The following XIRP2 variants were observed in gnomAD, a reference collection of about 807,000 sequenced individuals.
XIRP2 encodes xin actin-binding repeat-containing protein 2.
Under a neutral mutation model 277.0 loss-of-function variants are expected in XIRP2, and 236 were observed. The observed-to-expected ratio is 0.85, with a 90% CI of 0.77 to 0.95. The LOEUF (loss-of-function observed/expected upper bound fraction) is 0.95. Among genes scored for constraint, XIRP2 ranks in the 40% least tolerant of loss-of-function variants. The probability of loss-of-function intolerance (pLI) is 0.00; values close to 1 mark genes in which losing one functional copy is unlikely to be tolerated. For synonymous variants in XIRP2, 1,490 were observed against 1,416.5 expected (o/e 1.05, Z -1.17); for missense variants, 4,640 against 4,157.5 (o/e 1.12, Z -3.19).
chr2:166,924,589 A>T (rs2105361248), intron 2 of XIRP2, among the ~76,000 whole-genome samples: 1 of 152,030 alleles, frequency 6.6e-6, no homozygotes, highest in East Asian at 1.9e-4. Flanking sequence ...CATGACAATG[A>T]TCTCTTCTGT....
In XIRP2 at chr2:167,250,578, C is replaced by G; in HGVS notation, c.9186C>G (p.Ser3062Arg). The stretch of plus-strand genomic sequence containing the variant: ...CCAAAGTATCTAATGTTCATGTCAG[C>G]AATAATAAAAATAGTGAACAGAAAG... ...TSSKVSNVHV[S>R]NNKNSEQKEN... Residue 3062 changes from serine (S) to arginine (R), a missense_variant, in exon 9 of 11, where the codon AGC (serine) becomes AGG (arginine). Physicochemically the swap from Ser to Arg is moderately radical, Grantham distance 110. Transcript: ENST00000409195. The G allele has an allele frequency of 6.2e-7, 1 of 1,613,316 alleles. No individual in the cohort carries two copies. Among genetic ancestry groups the G allele is most frequent in the East Asian group, 2.2e-5 (1 of 44,804 alleles).
chr2:166,961,058 G>GC (rs989189520), intron 2 of XIRP2, among the ~76,000 whole-genome samples: 1 of 151,638 alleles, frequency 6.6e-6, no homozygotes, highest in Non-Finnish European at 1.5e-5. Flanking sequence ...CCACTCCACA[G>GC]CCCCCCTCTC....
chr2:167,236,987 G>A (rs1046983401), intron 5 of XIRP2, among the ~76,000 whole-genome samples: 2 of 152,068 alleles, frequency 1.3e-5, no homozygotes, highest in African/African-American at 4.8e-5. Context: ...CAAAAGCTTG[G>A]GATATTTTAA....
intron 2 of XIRP2, among the ~76,000 whole-genome samples, chr2:166,983,141 G>A (rs567616949): frequency 1.4e-4 from 21 of 152,164 alleles, no homozygotes; most frequent in Non-Finnish European, 2.2e-4. Flanking sequence ...GGCTATAATC[G>A]AGGGTTGGTT....
At chr2:167,090,931 A>T (rs1411522288) in intron 2 of XIRP2, among the ~76,000 whole-genome samples, 1 of 152,112 alleles carries the variant, frequency 6.6e-6, no homozygotes, top group Non-Finnish European at 1.5e-5. Context: ...TTTTAACATG[A>T]GCTTTGGTGA....
intron 3 of XIRP2, among the ~76,000 whole-genome samples, chr2:167,170,201 A>C (rs1414345587): frequency 6.6e-6 from 1 of 152,084 alleles, no homozygotes; most frequent in Non-Finnish European, 1.5e-5. Flanking sequence ...TGCTATATTT[A>C]AGTTTCTAAT....
chr2:166,908,602 A>C (rs1007280014), intron 2 of XIRP2, among the ~76,000 whole-genome samples: 3 of 152,138 alleles, frequency 2.0e-5, no homozygotes, highest in African/African-American at 7.2e-5. Flanking sequence ...TTTGCTGTGC[A>C]GAAGCTCTTT....
chr2:167,072,806 A>T (rs767947953), intron 2 of XIRP2, among the ~76,000 whole-genome samples: 1 of 152,178 alleles, frequency 6.6e-6, no homozygotes, highest in Non-Finnish European at 1.5e-5. Flanking sequence ...AGCTGATAGG[A>T]AACATTTGCA....
intron 2 of XIRP2, among the ~76,000 whole-genome samples, chr2:167,024,965 T>C (rs1044447938): frequency 6.6e-6 from 1 of 152,202 alleles, no homozygotes; most frequent in African/African-American, 2.4e-5. Context: ...GATGCTGGCC[T>C]CATAACATGA....
At chr2:167,089,646 T>G (rs1390403985) in intron 2 of XIRP2, among the ~76,000 whole-genome samples, 2 of 152,112 alleles carry the variant, frequency 1.3e-5, no homozygotes, top group African/African-American at 4.8e-5. Context: ...ATTAAGTAAA[T>G]GTGCATGTGT....
At chr2:167,200,978 T>TA (rs1369635456) in intron 3 of XIRP2, among the ~76,000 whole-genome samples, 5 of 151,364 alleles carry the variant, frequency 3.3e-5, no homozygotes, top group African/African-American at 1.2e-4. Flanking sequence ...CTACAAAAAT[T>TA]AGCCGGGTGT....
chr2:167,250,069 C>A lies in XIRP2; in HGVS notation c.8677C>A (p.Leu2893Met), dbSNP rs538439730. ...AAAATTGCCCCAGCCATATAATAGT[C>A]TGCAGGAAGAAAAATGTCTCGAAGT... ...HKKLPQPYNS[L>M]QEEKCLEVKG... is the part of the protein sequence containing the mutation. The change falls in exon 9 of 11, where the codon CTG (leucine) becomes ATG (methionine). Residue 2893 changes from leucine (L) to methionine (M), a missense_variant. Coordinates refer to ENST00000409195, the MANE Select transcript of XIRP2 (RefSeq NM_152381.6). The A allele has an allele frequency of 7.4e-6, 12 of 1,613,542 alleles. No homozygotes were observed. The South Asian group carries it at 1.3e-4, about 18-fold the overall frequency.
In XIRP2 at chr2:167,244,123, C is replaced by T. The variant is rs754821675; in HGVS notation, c.2731C>T (p.His911Tyr). ...TGAAGAAGAAAAAGGGGATGTTAGG[C>T]ATCAAAAATGGATTTTTGAAACCCA... ...ASEEEKGDVR[H>Y]QKWIFETQPL... The change falls in exon 9 of 11, where the codon CAT becomes TAT. Residue 911 changes from histidine (H) to tyrosine (Y), a missense_variant. Physicochemically the swap from His to Tyr is moderately conservative, Grantham distance 83. Coordinates refer to ENST00000409195, the MANE Select transcript of XIRP2 (RefSeq NM_152381.6). 2 of 1,613,668 alleles carry T rather than the reference C, an allele frequency of 1.2e-6. No homozygotes were observed. The highest frequency in any genetic ancestry group is 1.7e-6 in the Non-Finnish European group (2 of 1,179,842).
intron 2 of XIRP2, among the ~76,000 whole-genome samples, chr2:167,123,122 G>A (rs935717428): frequency 2.0e-5 from 3 of 152,154 alleles, no homozygotes; most frequent in African/African-American, 4.8e-5. Flanking sequence ...CTGTGAAAAT[G>A]TTTGCCTGTG....
At chr2:167,034,630 C>T (rs931518141) in intron 2 of XIRP2, among the ~76,000 whole-genome samples, 4 of 151,960 alleles carry the variant, frequency 2.6e-5, no homozygotes, top group African/African-American at 9.7e-5. Context: ...CAATAAAGAG[C>T]AGGAGCAGCT....
chr2:167,156,084 A>G (rs1164233932), intron 3 of XIRP2, among the ~76,000 whole-genome samples: 1 of 151,436 alleles, frequency 6.6e-6, no homozygotes, highest in Non-Finnish European at 1.5e-5. Context: ...ACCACTGCTC[A>G]ATGAAATAAA....
chr2:166,935,564 C>T (rs756223375), intron 2 of XIRP2, among the ~76,000 whole-genome samples: 46 of 152,172 alleles, frequency 3.0e-4, no homozygotes, highest in Non-Finnish European at 3.5e-4. Flanking sequence ...TGCTACCCCC[C>T]TCCCCACTCC....
chr2:167,000,089 C>T (rs1225050069), intron 2 of XIRP2, among the ~76,000 whole-genome samples: 1 of 152,048 alleles, frequency 6.6e-6, no homozygotes, highest in Non-Finnish European at 1.5e-5. Flanking sequence ...AACAAATTGC[C>T]CACTGGGTTT....
intron 1 of XIRP2, among the ~76,000 whole-genome samples, chr2:166,897,964 C>G (rs1684286119): frequency 6.6e-6 from 1 of 152,074 alleles, no homozygotes; most frequent in Admixed American, 6.6e-5. Context: ...TACTCAGGGG[C>G]TTATAGAATC....
Sources: allele counts gnomAD v4.1 joint callset (sites outside exome capture counted in the v4.1 genomes callset), GRCh38; gene constraint gnomAD v4.1.1; transcripts MANE v1.5; gene names NCBI Gene and HGNC (gene_info 2026-07-23, HGNC 2026-07-21).